Variants in APBB2 observed in about 807,000 individuals in gnomAD.
APBB2 encodes the protein amyloid beta precursor protein binding family B member 2.
Under a neutral mutation model 82.5 loss-of-function variants are expected in APBB2, and 38 were observed. The observed-to-expected ratio is 0.46, with a 90% CI of 0.36 to 0.60. The LOEUF (loss-of-function observed/expected upper bound fraction) is 0.60, where lower values mean the gene tolerates loss of function less well. Among genes scored for constraint, APBB2 ranks in the 20% least tolerant of loss-of-function variants. APBB2 has a pLI of 0.00. For synonymous variants in APBB2, 341 were observed against 368.2 expected (o/e 0.93, Z 0.85); for missense variants, 772 against 972.3 (o/e 0.79, Z 2.74).
intron 6 of APBB2, among the ~76,000 whole-genome samples, chr4:40,997,150 G>C (rs1803850384): frequency 6.6e-6 from 1 of 152,168 alleles, no homozygotes; most frequent in African/African-American, 2.4e-5. Context: ...TCCCACATGT[G>C]GTTACATTTC....
intron 6 of APBB2, among the ~76,000 whole-genome samples, chr4:40,960,077 A>G (rs1171091280): frequency 6.6e-6 from 1 of 152,186 alleles, no homozygotes; most frequent in Non-Finnish European, 1.5e-5. Flanking sequence ...AACGGAGGTA[A>G]ATTGTTCAGC....
intron 10 of APBB2, among the ~76,000 whole-genome samples, chr4:40,916,263 C>G (rs1779801375): frequency 6.6e-6 from 1 of 152,126 alleles, no homozygotes; most frequent in Non-Finnish European, 1.5e-5. Context: ...AACCTAACCC[C>G]AGAGCTGAGA....
At chr4:40,882,329 G>T (rs986985195) in intron 12 of APBB2, among the ~76,000 whole-genome samples, 1 of 152,112 alleles carries the variant, frequency 6.6e-6, no homozygotes, top group Non-Finnish European at 1.5e-5. Context: ...GCAAAACCTC[G>T]GACTGCAGAG....
intron 3 of APBB2, among the ~76,000 whole-genome samples, chr4:41,080,375 G>A (rs944585982): frequency 6.6e-6 from 1 of 152,146 alleles, no homozygotes; most frequent in Non-Finnish European, 1.5e-5. Context: ...GCTTCATAAA[G>A]GAATCAAATG....
intron 6 of APBB2, among the ~76,000 whole-genome samples, chr4:41,008,469 T>C (rs997777603): frequency 6.7e-6 from 1 of 150,310 alleles, no homozygotes; most frequent in African/African-American, 2.4e-5. Flanking sequence ...TATTTATTTA[T>C]TAAGCTCACT....
chr4:40,857,255 C>T, intron 12 of APBB2: 1 of 866,182 alleles, frequency 1.2e-6, no homozygotes, highest in South Asian at 5.3e-5. Flanking sequence ...CCCACCCGGC[C>T]GCACTCCCGT....
intron 6 of APBB2, among the ~76,000 whole-genome samples, chr4:40,964,310 G>GT (rs1457550762): frequency 6.6e-6 from 1 of 152,030 alleles, no homozygotes; most frequent in Non-Finnish European, 1.5e-5. Context: ...CATTGAACTA[G>GT]TAAGCTATCC....
rs1409247503 is a variant in APBB2, at chr4:40,848,865, A to G, written c.1530-18288T>C. ...ATCATCCTGATCATCACTGCCTCCA[A>G]AAGAACCCTGAGGATCCCCCAGTCA... On this transcript the variant is annotated intron_variant, in intron 12 of 17. Transcript: ENST00000508593. 3 of 985,170 alleles carry G rather than the reference A, an allele frequency of 3.0e-6. No homozygotes were observed. In the East Asian group the frequency reaches 3.4e-4, roughly 112 times the overall value. The allele number at this position is 985,170 out of a possible 1,614,324, so 61.0% of individuals were successfully genotyped here. A position where few individuals can be genotyped will look rare whatever the true frequency, so the allele number is the denominator to read the frequency against.
At chr4:40,942,475 C>A (rs961262203) in intron 7 of APBB2, among the ~76,000 whole-genome samples, 2 of 152,308 alleles carry the variant, frequency 1.3e-5, no homozygotes, top group Middle Eastern at 6.8e-3. Context: ...AGCTGAGGGA[C>A]ACTTAACTCA....
chr4:41,159,952 AAGGAGAAGG>A lies in APBB2; in HGVS notation c.-416-16819_-416-16811del, dbSNP rs1560913075. ...GGAGGAGGAGGAGGAGGAGAAGGAG[AAGGAGAAGG>A]AGAAGAAGAAGAAGAAGAAGAAGAA... On this transcript the variant is annotated intron_variant, in intron 1 of 17. Transcript: ENST00000508593. Among the ~76,000 whole-genome samples the A allele has an allele frequency of 1.5e-4, 8 of 53,764 alleles. 1 individual carries two copies. The highest frequency in any genetic ancestry group is 1.0e-3 in the East Asian group (2 of 2,000). The allele number at this position is 53,764 out of a possible 152,430, so 35.3% of individuals were successfully genotyped here.
At chr4:40,841,243 G>A (rs1027240131) in intron 12 of APBB2, among the ~76,000 whole-genome samples, 9 of 152,174 alleles carry the variant, frequency 5.9e-5, no homozygotes, top group Non-Finnish European at 8.8e-5. Flanking sequence ...CTCCCAACCA[G>A]GCAGGGAGGT....
At chr4:40,964,914 A>C (rs1794272621) in intron 6 of APBB2, among the ~76,000 whole-genome samples, 1 of 152,074 alleles carries the variant, frequency 6.6e-6, no homozygotes, top group Non-Finnish European at 1.5e-5. Flanking sequence ...AGGTCAGGAG[A>C]TCGAGACCAT....
intron 4 of APBB2, among the ~76,000 whole-genome samples, chr4:41,054,638 CAAAT>C (rs951498357): frequency 4.0e-4 from 61 of 152,220 alleles, no homozygotes; most frequent in African/African-American, 1.5e-3. Context: ...TAACAACAAA[CAAAT>C]AAAAATTGCT....
At chr4:40,928,009 CAAATCT>C (rs1409390906) in intron 10 of APBB2, among the ~76,000 whole-genome samples, 1 of 152,062 alleles carries the variant, frequency 6.6e-6, no homozygotes, top group African/African-American at 2.4e-5. Context: ...GGCTAAATTC[CAAATCT>C]AAGATATTAA....
chr4:40,819,393 C>T (rs891086952), intron 17 of APBB2, among the ~76,000 whole-genome samples: 1 of 151,854 alleles, frequency 6.6e-6, no homozygotes, highest in African/African-American at 2.4e-5. Context: ...ACCATGTTGG[C>T]CAGGCTGGTC....
chr4:41,108,546 G>A lies in APBB2; in HGVS notation c.-260-7796C>T, dbSNP rs1232234572. On this transcript the variant is annotated intron_variant, in intron 2 of 17. Transcript: ENST00000508593. Reference sequence around the variant, plus strand: ...TCTGAAGAAGAGGTAGGTCTTCAAGGTTTAAAACATTCAGCCTGTGTTTCC... The same window carrying A: ...TCTGAAGAAGAGGTAGGTCTTCAAGATTTAAAACATTCAGCCTGTGTTTCC... Among the ~76,000 whole-genome samples, 3 of 152,288 alleles carry A rather than the reference G, an allele frequency of 2.0e-5. No individual in the cohort carries two copies. In the East Asian group the frequency reaches 5.8e-4, roughly 29 times the overall value.
chr4:40,851,738 A>ATATATATTTTTTT (rs1192919460), intron 12 of APBB2, among the ~76,000 whole-genome samples: 1 of 67,736 alleles, frequency 1.5e-5, no homozygotes, highest in African/African-American at 4.9e-5. Flanking sequence ...ATATATATAT[A>ATATATATTTTTTT]TTTTTTTTTT....
At chr4:41,134,384 C>G (rs1308892478) in intron 2 of APBB2, among the ~76,000 whole-genome samples, 1 of 152,082 alleles carries the variant, frequency 6.6e-6, no homozygotes, top group East Asian at 1.9e-4. Context: ...TGGAGACCAT[C>G]CTGGCTAACA....
chr4:41,069,215 G>A (rs1182216415), intron 3 of APBB2, among the ~76,000 whole-genome samples: 1 of 152,184 alleles, frequency 6.6e-6, no homozygotes, highest in Non-Finnish European at 1.5e-5. Flanking sequence ...AAGGAAGGGA[G>A]AATGGGTTGG....
Sources: gnomAD v4.1 joint callset for allele counts (sites outside exome capture counted in the v4.1 genomes callset) on GRCh38, gnomAD v4.1.1 for gene constraint, MANE v1.5 for transcripts, NCBI Gene and HGNC (gene_info 2026-07-23, HGNC 2026-07-21) for gene names.